The following SH3PXD2A variants were observed in gnomAD, a reference collection of about 807,000 sequenced individuals.
The protein encoded by SH3PXD2A is SH3 and PX domain-containing protein 2A.
In SH3PXD2A, 32 loss-of-function variants were observed where a neutral mutation model predicts 115.2. That is an observed-to-expected ratio of 0.28 (90% CI 0.21 to 0.37). The LOEUF is 0.37. Ranked by LOEUF, SH3PXD2A falls within the 10% of genes least tolerant of loss-of-function variation. The probability of loss-of-function intolerance (pLI) is 1.00; values close to 1 mark genes in which losing one functional copy is unlikely to be tolerated. For synonymous variants in SH3PXD2A, 610 were observed against 629.1 expected, an observed-to-expected ratio of 0.97 and a Z score of 0.45; for missense variants, 1,328 against 1,498.7, an observed-to-expected ratio of 0.89 and a Z score of 1.88.
At chr10:103,792,177 T>G (rs2039042535) in intron 2 of SH3PXD2A, among the ~76,000 whole-genome samples, 1 of 152,234 alleles carries the variant, frequency 6.6e-6, no homozygotes, top group Non-Finnish European at 1.5e-5. Flanking sequence ...GATGCCTCTT[T>G]CCAGGAGCAA....
intron 8 of SH3PXD2A, among the ~76,000 whole-genome samples, chr10:103,658,208 G>A (rs1473601725): frequency 6.6e-6 from 1 of 152,234 alleles, no homozygotes; most frequent in African/African-American, 2.4e-5. Context: ...AGAGCCAGAG[G>A]TGGCTGGGTC....
chr10:103,615,499 T>TGC (rs2036501825), intron 11 of SH3PXD2A, among the ~76,000 whole-genome samples: 1 of 100,358 alleles, frequency 1.0e-5, no homozygotes, highest in African/African-American at 3.1e-5. Context: ...TGTGTGTGTG[T>TGC]GTGTGTGTGT....
In SH3PXD2A at chr10:103,627,856, C is replaced by G. The variant is rs1355902558; in HGVS notation, c.605-654G>C. Reference sequence around the variant, plus strand: ...TGAGCACCCAGGTCTTGGGACTCCACTAACTGCCTTTGGTCCCTTCCGAGA... The same window carrying G: ...TGAGCACCCAGGTCTTGGGACTCCAGTAACTGCCTTTGGTCCCTTCCGAGA... On this transcript the variant is annotated intron_variant, in intron 8 of 14. Coordinates refer to ENST00000369774, the MANE Select transcript of SH3PXD2A (RefSeq NM_001394015.1). The surrounding 1 kb of genome is among the most constrained non-coding windows in gnomAD (Gnocchi z 4.4). Among the ~76,000 whole-genome samples, 3 of 152,232 alleles carry G rather than the reference C, an allele frequency of 2.0e-5. No homozygotes were observed. The highest frequency in any genetic ancestry group is 4.4e-5 in the Non-Finnish European group (3 of 68,042).
At chr10:103,753,297 TG>T (rs2038600198) in intron 3 of SH3PXD2A, among the ~76,000 whole-genome samples, 1 of 112,998 alleles carries the variant, frequency 8.8e-6, no homozygotes, top group Non-Finnish European at 1.7e-5. Context: ...CTGGCCAACA[TG>T]GTGAAACCCT....
At chr10:103,654,018 G>A (rs544236514) in intron 8 of SH3PXD2A, among the ~76,000 whole-genome samples, 1 of 151,926 alleles carries the variant, frequency 6.6e-6, no homozygotes, top group African/African-American at 2.4e-5. Flanking sequence ...TCCTCGCTCT[G>A]CCTGTCTAAT....
At chr10:103,674,843 C>CAAACA (rs1238832873) in intron 6 of SH3PXD2A, among the ~76,000 whole-genome samples, 1 of 151,846 alleles carries the variant, frequency 6.6e-6, no homozygotes, top group Non-Finnish European at 1.5e-5. Flanking sequence ...AACAAACAAA[C>CAAACA]AAACAAAACA....
chr10:103,628,511 G>C (rs1246613609), intron 8 of SH3PXD2A, among the ~76,000 whole-genome samples: 4 of 151,874 alleles, frequency 2.6e-5, no homozygotes, highest in Non-Finnish European at 5.9e-5. Context: ...CCTATCTGGA[G>C]AGGGGTTACC....
intron 1 of SH3PXD2A, among the ~76,000 whole-genome samples, chr10:103,817,703 T>G (rs1338497270): frequency 6.6e-6 from 1 of 152,258 alleles, no homozygotes; most frequent in Non-Finnish European, 1.5e-5. Flanking sequence ...TTTGGTTTTC[T>G]GTTCCTGTGT....
rs145593668 is a variant in SH3PXD2A, at chr10:103,736,174, C to T, written c.230-366G>A. 7.1e-3 allele frequency among the ~76,000 whole-genome samples: 1,088 copies of T among 152,362 alleles called. 11 individuals are homozygous for T. The highest frequency in any genetic ancestry group is 0.025 in the African/African-American group (1,044 of 41,586). On this transcript the variant is annotated intron_variant, in intron 3 of 14. Coordinates refer to ENST00000369774, the MANE Select transcript of SH3PXD2A (RefSeq NM_001394015.1). ...AAAGTAGAGCCCAGCCCACATGCTA[C>T]GCTTTGTTTTCAGGCCCATCCCTCC...
In SH3PXD2A at chr10:103,641,587, GTGCCCCAAATGCCTGCTCTATTA is replaced by G. The variant is rs921670342; in HGVS notation, c.605-14408_605-14386del. ...GAAACCAGCAATGCCTGCTCTATTA[GTGCCCCAAATGCCTGCTCTATTA>G]TGCCCCAAATTCCCATCTGACAGAT... On this transcript the variant is annotated intron_variant, in intron 8 of 14. Transcript: ENST00000369774. Among the ~76,000 whole-genome samples, 35 of 151,768 alleles carry G rather than the reference GTGCCCCAAATGCCTGCTCTATTA, an allele frequency of 2.3e-4. No individual in the cohort carries two copies. The Middle Eastern group carries it at 0.014, about 59-fold the overall frequency.
rs1229877849 is a variant in SH3PXD2A, at chr10:103,596,788, T to A, written c.*5028A>T. The stretch of plus-strand genomic sequence containing the variant: ...TGCTTTGAGATTCTCAAAGACTAAA[T>A]ATCTAGATGGATATACGCCAAGGGA... On this transcript the variant is annotated 3_prime_UTR_variant, in exon 15 of 15. Transcript: ENST00000369774. 1.3e-5 allele frequency: 2 copies of A among 152,474 alleles called. No individual in the cohort carries two copies. The highest frequency in any genetic ancestry group is 2.9e-5 in the Non-Finnish European group (2 of 68,014). The allele number at this position is 152,474 out of a possible 1,614,324, so 9.4% of individuals were successfully genotyped here. A position where few individuals can be genotyped will look rare whatever the true frequency, so the allele number is the denominator to read the frequency against.
intron 6 of SH3PXD2A, among the ~76,000 whole-genome samples, chr10:103,682,996 C>T (rs1459918690): frequency 6.6e-6 from 1 of 152,118 alleles, no homozygotes; most frequent in African/African-American, 2.4e-5. Context: ...ACTTCCTTTC[C>T]AGACTCATCT....
chr10:103,716,869 C>T (rs1407508489), intron 5 of SH3PXD2A, among the ~76,000 whole-genome samples: 2 of 152,244 alleles, frequency 1.3e-5, no homozygotes, highest in African/African-American at 4.8e-5. Context: ...CTTGCATCTC[C>T]AGAAGTGGAG....
At chr10:103,769,000 A>G (rs1253188465) in intron 2 of SH3PXD2A, among the ~76,000 whole-genome samples, 1 of 152,058 alleles carries the variant, frequency 6.6e-6, no homozygotes, top group Admixed American at 6.5e-5. Flanking sequence ...AACAGGACCA[A>G]CTATTCATGA....
intron 3 of SH3PXD2A, chr10:103,755,124 A>C (rs2038624882): frequency 6.6e-6 from 1 of 152,218 alleles, no homozygotes; most frequent in South Asian, 2.1e-4. Flanking sequence ...AGCAATCCTT[A>C]AAACACACAA....
intron 2 of SH3PXD2A, among the ~76,000 whole-genome samples, chr10:103,777,889 G>A (rs574211048): frequency 2.0e-5 from 3 of 152,242 alleles, no homozygotes; most frequent in East Asian, 3.9e-4. Flanking sequence ...GTCTCCACAC[G>A]TGTTGTGAGG....
chr10:103,737,298 A>G (rs1432715478), intron 3 of SH3PXD2A, among the ~76,000 whole-genome samples: 1 of 152,176 alleles, frequency 6.6e-6, no homozygotes, highest in African/African-American at 2.4e-5. Flanking sequence ...TCATAACTTG[A>G]ATTAAAGGAC....
intron 3 of SH3PXD2A, among the ~76,000 whole-genome samples, chr10:103,751,809 C>T (rs2038582703): frequency 6.6e-6 from 1 of 152,190 alleles, no homozygotes; most frequent in South Asian, 2.1e-4. Flanking sequence ...GAGAGGGTTT[C>T]TCCAAGCCCA....
intron 8 of SH3PXD2A, among the ~76,000 whole-genome samples, chr10:103,645,956 G>A (rs750852309): frequency 1.3e-5 from 2 of 152,204 alleles, no homozygotes; most frequent in Non-Finnish European, 1.5e-5. Context: ...GACCTGAACC[G>A]TCTGGCCCTT....
Sources: allele counts gnomAD v4.1 joint callset (sites outside exome capture counted in the v4.1 genomes callset), GRCh38; gene constraint gnomAD v4.1.1; non-coding constraint Gnocchi (gnomAD v3.1); transcripts MANE v1.5; gene names NCBI Gene and HGNC (gene_info 2026-07-23, HGNC 2026-07-21).